SLC35F3: variants seen among roughly 807,000 people sequenced by gnomAD.
SLC35F3 encodes putative thiamine transporter SLC35F3.
Under a neutral mutation model 49.9 loss-of-function variants are expected in SLC35F3, and 25 were observed. The ratio of observed to expected loss-of-function variants is 0.50; its 90% confidence interval spans 0.37 to 0.70. The LOEUF is 0.70. SLC35F3 is among the 30% of genes least tolerant of loss of function. The pLI is 0.00. For missense variants in SLC35F3, 525 were observed against 639.8 expected, an observed-to-expected ratio of 0.82 and a Z score of 1.94; for synonymous variants, 275 against 265.4, an observed-to-expected ratio of 1.04 and a Z score of -0.35.
At chr1:234,103,667 G>A (rs1276806555) in intron 2 of SLC35F3, among the ~76,000 whole-genome samples, 2 of 152,188 alleles carry the variant, frequency 1.3e-5, no homozygotes, top group Non-Finnish European at 2.9e-5. Flanking sequence ...CCTGTCAGGG[G>A]CAGACTCTGC....
At chr1:233,909,888 T>C (rs1413734180) in intron 2 of SLC35F3, among the ~76,000 whole-genome samples, 1 of 152,208 alleles carries the variant, frequency 6.6e-6, no homozygotes, top group African/African-American at 2.4e-5. Context: ...TGCCCAGTAA[T>C]GCTAAACAAG....
intron 2 of SLC35F3, among the ~76,000 whole-genome samples, chr1:234,186,817 T>C (rs185825814): frequency 5.1e-4 from 77 of 152,306 alleles, no homozygotes; most frequent in Non-Finnish European, 7.6e-4. Flanking sequence ...GACATATTGA[T>C]GGAATACTAT....
At chr1:234,152,143 GA>G (rs1462908174) in intron 2 of SLC35F3, among the ~76,000 whole-genome samples, 1 of 151,152 alleles carries the variant, frequency 6.6e-6, no homozygotes, top group East Asian at 1.9e-4. Context: ...AAGTGTATAT[GA>G]TTTTTTTAAA....
At chr1:234,117,466 C>G (rs187423727) in intron 2 of SLC35F3, among the ~76,000 whole-genome samples, 10 of 152,132 alleles carry the variant, frequency 6.6e-5, no homozygotes, top group Non-Finnish European at 1.5e-4. Flanking sequence ...GTGGCACACC[C>G]TTGTAATCCC....
intron 2 of SLC35F3, among the ~76,000 whole-genome samples, chr1:234,020,936 G>A (rs541681699): frequency 3.9e-5 from 6 of 152,284 alleles, no homozygotes; most frequent in South Asian, 4.1e-4. Context: ...TGAGATGCTC[G>A]AAATGCAAAA....
intron 2 of SLC35F3, among the ~76,000 whole-genome samples, chr1:234,183,345 A>G (rs1666588805): frequency 7.0e-6 from 1 of 143,168 alleles, no homozygotes; most frequent in Non-Finnish European, 1.5e-5. Context: ...AAAAGTTCTT[A>G]TTTTTATAGA....
At chr1:233,920,439 T>C (rs1451796504) in intron 2 of SLC35F3, among the ~76,000 whole-genome samples, 1 of 152,184 alleles carries the variant, frequency 6.6e-6, no homozygotes, top group Non-Finnish European at 1.5e-5. Flanking sequence ...TGACTACTCA[T>C]AAAGCTGCCA....
Position 234,231,673 on chromosome 1 carries a change from C to T in SLC35F3, c.540C>T (p.Phe180=), listed in dbSNP as rs1242929665. 1 of 1,614,212 alleles carries T rather than the reference C, an allele frequency of 6.2e-7. No individual in the cohort carries two copies. ...TTGCCACCAACTGGAACTTTTTATT[C>T]TTCCCGTTGTACTACGTGGGGCACG... ...TWFATNWNFL[F]FPLYYVGHVC... The change falls in exon 3 of 8, where the codon TTC becomes TTT. Residue 180 remains phenylalanine (F), a synonymous_variant. Coordinates refer to ENST00000366618, the MANE Select transcript of SLC35F3 (RefSeq NM_173508.4). This position sits in a 1 kb window ranked among gnomAD's most constrained non-coding sequence, Gnocchi z 5.4.
chr1:234,063,219 G>A (rs6682455), intron 2 of SLC35F3, among the ~76,000 whole-genome samples: 1 of 151,986 alleles, frequency 6.6e-6, no homozygotes, highest in Admixed American at 6.5e-5. Flanking sequence ...GGGAGGAAGA[G>A]AGCTTTTATT....
chr1:234,160,795 C>T (rs1015728020), intron 2 of SLC35F3, among the ~76,000 whole-genome samples: 11 of 152,206 alleles, frequency 7.2e-5, no homozygotes, highest in African/African-American at 2.7e-4. Flanking sequence ...GTTCTCTGCT[C>T]TGTGAGGCAA....
chr1:234,045,774 G>T (rs531717532), intron 2 of SLC35F3, among the ~76,000 whole-genome samples: 1 of 151,666 alleles, frequency 6.6e-6, no homozygotes, highest in South Asian at 2.1e-4. Context: ...ATCCTCAGGG[G>T]GAATTACTAT....
In SLC35F3 at chr1:234,293,372, C is replaced by G. The variant is rs868704554; in HGVS notation, c.609-15729C>G. On this transcript the variant is annotated intron_variant, in intron 3 of 7. Transcript: ENST00000366618. ...CTGAGAGCCGGAGCTCAGCTGTACC[C>G]AGGAGCTTTCTCTATGCTGGGAAAA... Among the ~76,000 whole-genome samples the G allele has an allele frequency of 3.9e-5, 6 of 152,334 alleles. No homozygotes were observed. The South Asian group carries it at 1.2e-3, about 32-fold the overall frequency.
chr1:234,147,418 A>G (rs1440724168), intron 2 of SLC35F3, among the ~76,000 whole-genome samples: 1 of 151,888 alleles, frequency 6.6e-6, no homozygotes, highest in Non-Finnish European at 1.5e-5. Flanking sequence ...TTTATGTTTC[A>G]TATTATTGCT....
At chr1:234,242,314 T>A (rs1359420478) in intron 3 of SLC35F3, among the ~76,000 whole-genome samples, 2 of 152,222 alleles carry the variant, frequency 1.3e-5, no homozygotes, top group Non-Finnish European at 2.9e-5. Context: ...CTGCTCTAGA[T>A]CTGGTCCTGA....
At chr1:234,172,627 G>A (rs1414640972) in intron 2 of SLC35F3, among the ~76,000 whole-genome samples, 4 of 152,140 alleles carry the variant, frequency 2.6e-5, no homozygotes, top group Non-Finnish European at 5.9e-5. Flanking sequence ...ACATCATAGC[G>A]AGCACTCACA....
chr1:234,200,188 T>C (rs920091762), intron 2 of SLC35F3, among the ~76,000 whole-genome samples: 3 of 152,314 alleles, frequency 2.0e-5, no homozygotes, highest in African/African-American at 7.2e-5. Context: ...TGTGTTCTCA[T>C]GTTTATCGAG....
intron 7 of SLC35F3, among the ~76,000 whole-genome samples, chr1:234,322,694 A>G (rs1456580798): frequency 7.0e-6 from 1 of 141,966 alleles, no homozygotes; most frequent in Non-Finnish European, 1.5e-5. Context: ...TGTACTATCT[A>G]TCTCTCATCT....
intron 2 of SLC35F3, among the ~76,000 whole-genome samples, chr1:234,021,630 G>A (rs766230546): frequency 3.9e-5 from 6 of 152,156 alleles, no homozygotes; most frequent in Non-Finnish European, 5.9e-5. Context: ...AGCCAATGTT[G>A]AAATTAGACC....
In SLC35F3 at chr1:234,212,047, C is replaced by T. The variant is rs181141750; in HGVS notation, c.284-19370C>T. Reference sequence around the variant, plus strand: ...GATGATTCTATAAGGGGGAGTTTCCCTGCACAAGCACTCTCTTTGCCTGCT... The same window carrying T: ...GATGATTCTATAAGGGGGAGTTTCCTTGCACAAGCACTCTCTTTGCCTGCT... On this transcript the variant is annotated intron_variant, in intron 2 of 7. Transcript: ENST00000366618. 9.5e-4 allele frequency among the ~76,000 whole-genome samples: 144 copies of T among 152,296 alleles called. 1 individual carries two copies. Among genetic ancestry groups the T allele is most frequent in the African/African-American group, 3.3e-3 (139 of 41,568 alleles).
Sources: gnomAD v4.1 joint callset for allele counts (sites outside exome capture counted in the v4.1 genomes callset) on GRCh38, gnomAD v4.1.1 for gene constraint, Gnocchi (gnomAD v3.1) non-coding constraint, MANE v1.5 for transcripts, NCBI Gene and HGNC (gene_info 2026-07-23, HGNC 2026-07-21) for gene names.